The following THAP6 variants were observed in gnomAD, a reference collection of about 807,000 sequenced individuals.
THAP6 encodes THAP domain containing 6.
In THAP6, 13 loss-of-function variants were observed where a neutral mutation model predicts 20.0. The observed-to-expected ratio is 0.65, with a 90% CI of 0.42 to 1.03. THAP6 has a LOEUF of 1.03. Among genes scored for constraint, THAP6 ranks in the 50% least tolerant of loss-of-function variants. The probability of loss-of-function intolerance (pLI) is 0.00; values close to 1 mark genes in which losing one functional copy is unlikely to be tolerated. For synonymous variants in THAP6, 93 were observed against 92.2 expected (o/e 1.01, Z -0.05); for missense variants, 262 against 261.6 (o/e 1.00, Z -0.01).
intron 3 of THAP6, chr4:75,542,593 A>G: frequency 1.7e-6 from 1 of 596,614 alleles, no homozygotes; most frequent in Non-Finnish European, 3.0e-6. Context: ...CAGAAGAGGA[A>G]ATTAAACAGA....
At chr4:75,543,836 G>A (rs1015100409) in intron 3 of THAP6, among the ~76,000 whole-genome samples, 12 of 152,174 alleles carry the variant, frequency 7.9e-5, no homozygotes, top group African/African-American at 1.4e-4. Flanking sequence ...AAATCGCTTC[G>A]TGTACATTTG....
At chr4:75,532,922 A>G (rs1726730515), downstream of THAP6, among the ~76,000 whole-genome samples, 1 of 152,176 alleles carries the variant, frequency 6.6e-6, no homozygotes, top group Non-Finnish European at 1.5e-5. Flanking sequence ...CAGACCTGTG[A>G]TGGAAGGGGC....
chr4:75,535,620 A>C (rs1375970737), intron 2 of THAP6, among the ~76,000 whole-genome samples: 1 of 152,264 alleles, frequency 6.6e-6, no homozygotes, highest in Non-Finnish European at 1.5e-5. Flanking sequence ...AGGTCCCTCT[A>C]GTTATGAAAA....
chr4:75,526,812 ATCT>A (rs879802834), intron 4 of THAP6, 145 bp from the exon 5 acceptor site: 43 of 1,231,036 alleles, frequency 3.5e-5, no homozygotes, highest in Non-Finnish European at 1.2e-5. Context: ...TTCTACCCCC[ATCT>A]TCTTCCTGTG....
At chr4:75,539,845 C>T in intron 2 of THAP6, 1 of 1,535,932 alleles carries the variant, frequency 6.5e-7, no homozygotes, top group Non-Finnish European at 8.7e-7. Flanking sequence ...TCTTTAAATT[C>T]CATCCCATCC....
chr4:75,521,197 G>A (rs1003318461), intron 3 of THAP6, among the ~76,000 whole-genome samples: 4 of 150,930 alleles, frequency 2.7e-5, no homozygotes, highest in South Asian at 2.1e-4. Flanking sequence ...GTTATATGAC[G>A]TTAGCCTTTC....
chr4:75,516,311 A>T (rs996185166), intron 2 of THAP6, among the ~76,000 whole-genome samples: 12 of 152,318 alleles, frequency 7.9e-5, no homozygotes, highest in African/African-American at 2.6e-4. Context: ...TTCACTAAGC[A>T]TCTGTAGACC....
chr4:75,530,116 T>C (rs1238354254), downstream of THAP6: 16 of 977,852 alleles, frequency 1.6e-5, no homozygotes, highest in Non-Finnish European at 1.8e-5. Flanking sequence ...CTCTAATTTC[T>C]CCTCCACCAA....
downstream of THAP6, among the ~76,000 whole-genome samples, chr4:75,533,169 G>A (rs183515430): frequency 2.1e-3 from 314 of 152,226 alleles, no homozygotes; most frequent in African/African-American, 7.0e-3. Context: ...ATGCTTTGCC[G>A]CTTAGAAATT....
intron 1 of THAP6, 47 bp downstream of exon 1, chr4:75,514,567 A>G (rs986564780): frequency 3.0e-6 from 1 of 333,012 alleles, no homozygotes; most frequent in Admixed American, 4.5e-5. Context: ...CTACCCGCCC[A>G]AATCTCAGGG....
intron 3 of THAP6, among the ~76,000 whole-genome samples, chr4:75,543,797 T>C (rs1423398914): frequency 1.3e-5 from 2 of 152,204 alleles, no homozygotes; most frequent in Non-Finnish European, 2.9e-5. Flanking sequence ...TGGTAGAGCA[T>C]AGCTGCAGAG....
chr4:75,527,065 G>T lies in THAP6; in HGVS notation c.520G>T (p.Asp174Tyr). The change falls in exon 5 of 5, where the codon GAC becomes TAC. Residue 174 changes from aspartate to tyrosine, a missense_variant. By Grantham distance (160) the Asp-to-Tyr change is radical. Transcript: ENST00000311638. ...AAAGGAAAGTCTACGGAATGTTTTA[G>T]ACCGAGAAAAACGTTTTCAGAAATC... is the stretch of plus-strand genomic sequence containing the variant. ...DTKESLRNVL[D>Y]REKRFQKSLR... 3 of 1,614,106 alleles carry T rather than the reference G, an allele frequency of 1.9e-6. No homozygotes were observed. Among genetic ancestry groups the T allele is most frequent in the Non-Finnish European group, 1.7e-6 (2 of 1,179,996 alleles).
intron 3 of THAP6, among the ~76,000 whole-genome samples, chr4:75,519,828 C>A (rs1157159300): frequency 6.6e-6 from 1 of 151,680 alleles, no homozygotes; most frequent in Non-Finnish European, 1.5e-5. Context: ...ATTTATAGTC[C>A]TTTGGGTATA....
upstream of THAP6, chr4:75,513,910 TCTACTTCGGC>T (rs1318640835): frequency 2.5e-5 from 7 of 278,084 alleles, no homozygotes; most frequent in African/African-American, 1.5e-4. Flanking sequence ...GCTGCCTCAG[TCTACTTCGGC>T]AGCAAAAGAC....
At chr4:75,515,148 A>G (rs912341607) in intron 1 of THAP6, among the ~76,000 whole-genome samples, 2 of 152,140 alleles carry the variant, frequency 1.3e-5, no homozygotes, top group Non-Finnish European at 2.9e-5. Flanking sequence ...TTAGTGTGCA[A>G]AAGGCTTTGT....
Position 75,527,351 on chromosome 4 carries a change from T to C in THAP6, c.*137T>C, listed in dbSNP as rs774476586. The C allele has an allele frequency of 1.4e-6, 2 of 1,460,146 alleles. No individual in the cohort carries two copies. The highest frequency in any genetic ancestry group is 1.8e-6 in the Non-Finnish European group (2 of 1,107,672). 90.4% of individuals were successfully genotyped at this position (1,460,146 alleles called of 1,614,324 possible). On this transcript the variant is annotated 3_prime_UTR_variant, in exon 5 of 5. Transcript: ENST00000311638. ...CTGGAGCATTATGCATTATAGTTGT[T>C]ATCCAAAGACTTTTTTGAAAATATG...
chr4:75,536,918 G>A (rs1726874172), intron 2 of THAP6, among the ~76,000 whole-genome samples: 1 of 152,130 alleles, frequency 6.6e-6, no homozygotes, highest in South Asian at 2.1e-4. Flanking sequence ...GAAAGTTGGG[G>A]TAATAATAGA....
Position 75,521,769 on chromosome 4 carries a change from T to G in THAP6, c.322T>G (p.Phe108Val). 6.2e-7 allele frequency: 1 copy of G among 1,612,904 alleles called. No homozygotes were observed. The highest frequency in any genetic ancestry group is 8.5e-7 in the Non-Finnish European group (1 of 1,179,282). Reference sequence around the variant, plus strand: ...AGAAAAACTTCATTGTAGAAAAAACTTCACCCTCAAAACCGTTCCAGCCAC... The same window carrying G: ...AGAAAAACTTCATTGTAGAAAAAACGTCACCCTCAAAACCGTTCCAGCCAC... Reference protein sequence around the residue: ...KREKLHCRKNFTLKTVPATNY... With the variant: ...KREKLHCRKNVTLKTVPATNY... Residue 108 changes from phenylalanine (F) to valine (V), a missense_variant, in exon 4 of 5, where the codon TTC (phenylalanine) becomes GTC (valine). Coordinates refer to ENST00000311638, the MANE Select transcript of THAP6 (RefSeq NM_144721.6).
At chr4:75,543,327 T>C (rs1727054872) in intron 3 of THAP6, among the ~76,000 whole-genome samples, 2 of 152,260 alleles carry the variant, frequency 1.3e-5, no homozygotes, top group Non-Finnish European at 2.9e-5. Context: ...GAACCAGTTT[T>C]AGCAAACCAC....
Sources: allele counts gnomAD v4.1 joint callset (sites outside exome capture counted in the v4.1 genomes callset), GRCh38; gene constraint gnomAD v4.1.1; transcripts MANE v1.5; gene names NCBI Gene and HGNC (gene_info 2026-07-23, HGNC 2026-07-21).